Variants in CLMP observed in about 807,000 individuals in gnomAD.
CLMP encodes the protein CXADR-like membrane protein.
CLMP carries 27 observed loss-of-function variants against 45.2 expected under a neutral mutation model. That is an observed-to-expected ratio of 0.60 (90% confidence interval 0.44 to 0.82). The LOEUF (loss-of-function observed/expected upper bound fraction) is 0.82, where lower values mean the gene tolerates loss of function less well. Among genes scored for constraint, CLMP ranks in the 40% least tolerant of loss-of-function variants. The pLI, the probability that CLMP is intolerant of heterozygous loss-of-function variation, is 0.00. For missense variants in CLMP, 403 were observed against 448.4 expected (o/e 0.90, Z 0.91); for synonymous variants, 167 against 171.4 (o/e 0.97, Z 0.20).
chr11:123,074,567 A>G (rs1865712620), intron 6 of CLMP, 135 bp downstream of exon 6: 1 of 877,282 alleles, frequency 1.1e-6, no homozygotes, highest in Admixed American at 2.3e-5. Flanking sequence ...CTAGGCTGGA[A>G]CTTCCTACCT....
intron 1 of CLMP, among the ~76,000 whole-genome samples, chr11:123,181,479 A>G (rs188261984): frequency 6.6e-6 from 1 of 152,104 alleles, no homozygotes; most frequent in African/African-American, 2.4e-5. Flanking sequence ...CATCTCCCTT[A>G]CTATCTTTTC....
intron 1 of CLMP, among the ~76,000 whole-genome samples, chr11:123,150,421 A>AAGAAAGAAAGAAAGAG (rs1861298246): frequency 3.9e-5 from 1 of 25,530 alleles, no homozygotes; most frequent in Non-Finnish European, 7.4e-5. Context: ...GAAGGTAAGA[A>AAGAAAGAAAGAAAGAG]AGAAAGAAAG....
chr11:123,084,621 A>C lies in CLMP; in HGVS notation c.279T>G (p.Asp93Glu). Reference sequence around the variant, plus strand: ...TCAGAGGTTCAATCTGCAAGGAGGCATCTCCTGCCAGGAAATTGGAAGCAA... The same window carrying C: ...TCAGAGGTTCAATCTGCAAGGAGGCCTCTCCTGCCAGGAAATTGGAAGCAA... ...VAFASNFLAG[D>E]ASLQIEPLKP... Residue 93 changes from aspartate to glutamate, a missense_variant, in exon 3 of 7, where the codon GAT (aspartate) becomes GAG (glutamate). Coordinates refer to ENST00000448775, the MANE Select transcript of CLMP (RefSeq NM_024769.5). 6.2e-7 allele frequency: 1 copy of C among 1,614,204 alleles called. No individual in the cohort carries two copies. The highest frequency in any genetic ancestry group is 8.5e-7 in the Non-Finnish European group (1 of 1,179,998).
Position 123,074,726 on chromosome 11 carries a change from T to A in CLMP, c.797A>T (p.Glu266Val). The change falls in exon 6 of 7, where the codon GAA (glutamate) becomes GTA (valine). Residue 266 changes from glutamate (E) to valine (V), a missense_variant. Physicochemically the swap from Glu to Val is moderately radical, Grantham distance 121 (BLOSUM62 -2). Transcript: ENST00000448775. ...IRRKDKERYE[E>V]EERPNEIRED... is the part of the protein sequence containing the mutation. ...CCGAATTTCATTAGGTCTCTCTTCT[T>A]CCTCATATCTTTCTTTGTCTTTCCT... 6.2e-7 allele frequency: 1 copy of A among 1,614,160 alleles called. No homozygotes were observed. Among genetic ancestry groups the A allele is most frequent in the Non-Finnish European group, 8.5e-7 (1 of 1,180,028 alleles).
intron 1 of CLMP, among the ~76,000 whole-genome samples, chr11:123,099,776 G>T (rs74394148): frequency 6.6e-6 from 1 of 152,102 alleles, no homozygotes; most frequent in Non-Finnish European, 1.5e-5. Flanking sequence ...CAAATTATGC[G>T]GGAAAAGTGA....
At chr11:123,136,494 A>G (rs1190855482) in intron 1 of CLMP, 2 of 305,714 alleles carry the variant, frequency 6.5e-6, no homozygotes, top group Non-Finnish European at 1.2e-5. Context: ...CTAGGCCAAG[A>G]TGGAAGTCTA....
chr11:123,144,158 GA>G (rs11310610), intron 1 of CLMP, among the ~76,000 whole-genome samples: 64,909 of 151,982 alleles, frequency 0.43, 15,112 homozygotes, highest in African/African-American at 0.62. Flanking sequence ...GCCATAGCTG[GA>G]ACTCCTAACC....
chr11:123,140,423 A>G (rs577974961), intron 1 of CLMP, among the ~76,000 whole-genome samples: 1 of 152,296 alleles, frequency 6.6e-6, no homozygotes, highest in East Asian at 1.9e-4. Flanking sequence ...AGGGATTCTT[A>G]TATTTGTTGC....
chr11:123,074,557 C>T, intron 6 of CLMP, 145 bp downstream of exon 6: 10 of 790,884 alleles, frequency 1.3e-5, no homozygotes, highest in Non-Finnish European at 2.1e-5. Flanking sequence ...CCCTCTGTCC[C>T]TAGGCTGGAA....
Position 123,072,544 on chromosome 11 carries a change from T to C in CLMP, c.*930A>G, listed in dbSNP as rs1252620181. On this transcript the variant is annotated 3_prime_UTR_variant, in exon 7 of 7. Transcript: ENST00000448775. ...TCTCAGAAAGAAGAGACTATAATGG[T>C]ATGTTGGGTAATCTTTCAGCATTCC... 1 of 152,190 alleles carries C rather than the reference T, an allele frequency of 6.6e-6. No homozygotes were observed. The highest frequency in any genetic ancestry group is 1.5e-5 in the Non-Finnish European group (1 of 68,034). 9.4% of individuals were successfully genotyped at this position (152,190 alleles called of 1,614,324 possible). A position where few individuals can be genotyped will look rare whatever the true frequency, so the allele number is the denominator to read the frequency against.
intron 5 of CLMP, among the ~76,000 whole-genome samples, chr11:123,082,453 C>T (rs1429234100): frequency 6.6e-6 from 1 of 152,132 alleles, no homozygotes; most frequent in East Asian, 1.9e-4. Context: ...GGATTACAGG[C>T]ACGCATCAGC....
chr11:123,142,435 A>C (rs1242920432), intron 1 of CLMP, among the ~76,000 whole-genome samples: 8 of 152,108 alleles, frequency 5.3e-5, no homozygotes. Context: ...AAGCTGTTGA[A>C]ATATGAGCCT....
At chr11:123,127,264 A>C (rs940375483) in intron 1 of CLMP, among the ~76,000 whole-genome samples, 2 of 152,002 alleles carry the variant, frequency 1.3e-5, no homozygotes, top group African/African-American at 4.8e-5. Context: ...TGGGATTACA[A>C]GTATGTACCA....
At chr11:123,086,492 C>A (rs1372144142) in intron 2 of CLMP, among the ~76,000 whole-genome samples, 1 of 152,342 alleles carries the variant, frequency 6.6e-6, no homozygotes, top group South Asian at 2.1e-4. Context: ...AGCCCTCAAC[C>A]CTGCCTTTGA....
rs753874910 is a variant in CLMP, at chr11:123,097,820, G to A, written c.161C>T (p.Thr54Ile). ...KDTLDIEWLL[T>I]DNEGNQKVVI... Reference sequence around the variant, plus strand: ...CACTTTTTGGTTCCCTTCATTATCGGTGAGCAGCCATTCAATATCCAGAGT... The same window carrying A: ...CACTTTTTGGTTCCCTTCATTATCGATGAGCAGCCATTCAATATCCAGAGT... The change falls in exon 2 of 7, where the codon ACC becomes ATC. Residue 54 changes from threonine (T) to isoleucine (I), a missense_variant. Thr to Ile is a moderately conservative substitution (Grantham distance 89). Coordinates refer to ENST00000448775, the MANE Select transcript of CLMP (RefSeq NM_024769.5). The A allele has an allele frequency of 1.5e-5, 24 of 1,600,534 alleles. No homozygotes were observed. In the East Asian group the frequency reaches 5.2e-4, roughly 35 times the overall value.
At chr11:123,101,030 A>T (rs1866052142) in intron 1 of CLMP, among the ~76,000 whole-genome samples, 1 of 152,016 alleles carries the variant, frequency 6.6e-6, no homozygotes, top group South Asian at 2.1e-4. Context: ...TCCCTTAGAG[A>T]CACCTATTCT....
intron 1 of CLMP, among the ~76,000 whole-genome samples, chr11:123,166,061 C>T (rs763299723): frequency 6.6e-6 from 1 of 152,046 alleles, no homozygotes; most frequent in Admixed American, 6.5e-5. Flanking sequence ...GCCATATGGA[C>T]TCATCCTACA....
At chr11:123,075,510 C>A (rs1865728111) in intron 5 of CLMP, among the ~76,000 whole-genome samples, 1 of 151,484 alleles carries the variant, frequency 6.6e-6, no homozygotes. Context: ...CCTCAGCCTC[C>A]CGAGTAGCTG....
intron 1 of CLMP, among the ~76,000 whole-genome samples, chr11:123,117,364 C>T (rs553102908): frequency 6.6e-6 from 1 of 151,902 alleles, no homozygotes; most frequent in South Asian, 2.1e-4. Flanking sequence ...TTGGTAGAGC[C>T]AAAATTTCAA....
Sources: gnomAD v4.1 joint callset for allele counts (sites outside exome capture counted in the v4.1 genomes callset) on GRCh38, gnomAD v4.1.1 for gene constraint, MANE v1.5 for transcripts, NCBI Gene and HGNC (gene_info 2026-07-23, HGNC 2026-07-21) for gene names.